KDM4B: variants seen among roughly 807,000 people sequenced by gnomAD.
The protein encoded by KDM4B is lysine-specific demethylase 4B.
Under a neutral mutation model 125.2 loss-of-function variants are expected in KDM4B, and 32 were observed. That is an observed-to-expected ratio of 0.26 (90% CI 0.19 to 0.34). The LOEUF is 0.34. Among genes scored for constraint, KDM4B ranks in the 10% least tolerant of loss-of-function variants. The probability of loss-of-function intolerance (pLI) is 1.00; values close to 1 mark genes in which losing one functional copy is unlikely to be tolerated. For synonymous variants in KDM4B, 721 were observed against 677.9 expected (o/e 1.06, Z -0.99); for missense variants, 1,190 against 1,577.7 (o/e 0.75, Z 4.16).
intron 3 of KDM4B, among the ~76,000 whole-genome samples, chr19:5,034,271 C>T (rs921377434): frequency 1.8e-4 from 28 of 152,216 alleles, no homozygotes; most frequent in African/African-American, 4.1e-4. Context: ...GATGAATCGT[C>T]GTTGCATTTT....
chr19:5,084,450 T>C (rs1314307477), intron 9 of KDM4B, among the ~76,000 whole-genome samples: 1 of 136,752 alleles, frequency 7.3e-6, no homozygotes, highest in Non-Finnish European at 1.5e-5. Context: ...ATATATGTTA[T>C]AATAATTTAT....
chr19:5,081,498 T>C lies in KDM4B; in HGVS notation c.781-869T>C, dbSNP rs2038292595. On this transcript the variant is annotated intron_variant, in intron 8 of 22. Coordinates refer to ENST00000159111, the MANE Select transcript of KDM4B (RefSeq NM_015015.3). This position sits in a 1 kb window ranked among gnomAD's most constrained non-coding sequence, Gnocchi z 4.2. ...TTCTTCCAGACCTTGGGGTGGCTGT[T>C]GGGAAACCTTGGGTCTGGGGTCATT... Among the ~76,000 whole-genome samples, 1 of 152,108 alleles carries C rather than the reference T, an allele frequency of 6.6e-6. No individual in the cohort carries two copies.
Position 5,078,087 on chromosome 19 carries a change from G to A in KDM4B, c.780+617G>A. ...ACACCTGATTTGATGGACAGCTGGGGTTTGGTGTCCCAGGAGCAGAGCAGG... is the reference window on the plus strand; with the variant it reads ...ACACCTGATTTGATGGACAGCTGGGATTTGGTGTCCCAGGAGCAGAGCAGG... On this transcript the variant is annotated intron_variant, in intron 8 of 22. Transcript: ENST00000159111. The surrounding 1 kb of genome is among the most constrained non-coding windows in gnomAD (Gnocchi z 4.5). 6.5e-6 allele frequency: 1 copy of A among 154,720 alleles called. No homozygotes were observed. Among genetic ancestry groups the A allele is most frequent in the Non-Finnish European group, 1.4e-5 (1 of 69,496 alleles). The allele number at this position is 154,720 out of a possible 1,614,324, so 9.6% of individuals were successfully genotyped here.
intron 9 of KDM4B, among the ~76,000 whole-genome samples, chr19:5,093,926 C>T (rs1342743994): frequency 6.6e-6 from 1 of 152,214 alleles, no homozygotes; most frequent in Non-Finnish European, 1.5e-5. Flanking sequence ...CCTGGGTAGC[C>T]CAGTCCACAG....
chr19:5,060,455 AAAAAAAAAG>A lies in KDM4B; in HGVS notation c.627-10554_627-10546del, dbSNP rs1271231167. 2.2e-3 allele frequency among the ~76,000 whole-genome samples: 315 copies of A among 142,526 alleles called. 24 individuals are homozygous for A. Among genetic ancestry groups the A allele is most frequent in the Middle Eastern group, 7.3e-3 (2 of 274 alleles). 93.5% of individuals were successfully genotyped at this position (142,526 alleles called of 152,430 possible). A position where few individuals can be genotyped will look rare whatever the true frequency, so the allele number is the denominator to read the frequency against. ...CTCCAAAAAAAAAAAAAAAAAAAAA[AAAAAAAAAG>A]GGAGCCATGATTGTTCTCCAGCTGC... On this transcript the variant is annotated intron_variant, in intron 6 of 22. Coordinates refer to ENST00000159111, the MANE Select transcript of KDM4B (RefSeq NM_015015.3).
At chr19:5,148,090 G>C (rs749024036) in intron 21 of KDM4B, among the ~76,000 whole-genome samples, 3 of 152,224 alleles carry the variant, frequency 2.0e-5, no homozygotes, top group Non-Finnish European at 4.4e-5. Flanking sequence ...TGTTTCCCTC[G>C]CACGTGACCC....
intron 9 of KDM4B, among the ~76,000 whole-genome samples, chr19:5,106,969 G>T (rs939639601): frequency 3.3e-5 from 5 of 152,254 alleles, no homozygotes; most frequent in African/African-American, 1.2e-4. Flanking sequence ...GACCTGCAGA[G>T]AATGCGGCGT....
At chr19:5,119,337 T>TCCCGC (rs1173868658) in intron 10 of KDM4B, 3 of 725,428 alleles carry the variant, frequency 4.1e-6, no homozygotes, top group Non-Finnish European at 6.9e-6. Flanking sequence ...TGCCGCCCCG[T>TCCCGC]CCCGCCCGTC....
chr19:4,979,282 C>CA (rs1259480973), intron 1 of KDM4B, among the ~76,000 whole-genome samples: 1 of 152,082 alleles, frequency 6.6e-6, no homozygotes, highest in African/African-American at 2.4e-5. Context: ...GACCATGTCT[C>CA]AAAAAAACCC....
chr19:5,125,742 T>C (rs1286436162), intron 11 of KDM4B, among the ~76,000 whole-genome samples: 3 of 152,170 alleles, frequency 2.0e-5, no homozygotes, highest in African/African-American at 7.2e-5. Context: ...TCAGGGTCTC[T>C]GCCCAGGGAG....
At chr19:5,097,804 T>C (rs2038857070) in intron 9 of KDM4B, among the ~76,000 whole-genome samples, 1 of 152,206 alleles carries the variant, frequency 6.6e-6, no homozygotes, top group Non-Finnish European at 1.5e-5. Flanking sequence ...ATGAGTTCTG[T>C]CTCCGTTTTG....
At chr19:5,059,780 G>A (rs2037526440) in intron 6 of KDM4B, among the ~76,000 whole-genome samples, 1 of 124,720 alleles carries the variant, frequency 8.0e-6, no homozygotes, top group African/African-American at 3.0e-5. Context: ...TGAAATAAAT[G>A]TAAGCATAGA....
chr19:5,151,223 C>G (rs2039941417), intron 22 of KDM4B, 112 bp from the exon 23 acceptor site: 2 of 958,590 alleles, frequency 2.1e-6, no homozygotes, highest in Non-Finnish European at 2.8e-6. Context: ...GCAGCCCCCA[C>G]AGCAATCAGG....
chr19:5,072,307 A>C (rs1207428489), intron 7 of KDM4B, among the ~76,000 whole-genome samples: 1 of 152,190 alleles, frequency 6.6e-6, no homozygotes, highest in Non-Finnish European at 1.5e-5. Flanking sequence ...ATGTTGCCCA[A>C]GCGCGGCAGA....
intron 5 of KDM4B, 85 bp from the exon 6 acceptor site, chr19:5,047,391 T>C (rs2037059754): frequency 2.3e-6 from 3 of 1,312,890 alleles, no homozygotes; most frequent in Non-Finnish European, 1.0e-6. Context: ...CCCCTGGGAC[T>C]CTGGGGAGAA....
intron 6 of KDM4B, among the ~76,000 whole-genome samples, chr19:5,062,154 T>A (rs1386978785): frequency 6.6e-6 from 1 of 152,216 alleles, no homozygotes; most frequent in African/African-American, 2.4e-5. Flanking sequence ...CCCAGCAGGC[T>A]GCGGTTGGTG....
chr19:4,986,936 C>T (rs2034852750), intron 1 of KDM4B, among the ~76,000 whole-genome samples: 1 of 152,106 alleles, frequency 6.6e-6, no homozygotes, highest in African/African-American at 2.4e-5. Flanking sequence ...GAGGTTTATG[C>T]CTTTTTTTAT....
intron 6 of KDM4B, among the ~76,000 whole-genome samples, chr19:5,060,763 C>T (rs923028953): frequency 2.6e-5 from 4 of 152,186 alleles, no homozygotes; most frequent in African/African-American, 7.2e-5. Context: ...ACCTGACAGC[C>T]GCCGCTGTGT....
At position 5,077,755 on chromosome 19, in the gene KDM4B, C is replaced by T. The variant is rs1351034360; in HGVS notation, c.780+285C>T. 2.0e-5 allele frequency: 8 copies of T among 410,004 alleles called. No homozygotes were observed. The East Asian group carries it at 3.8e-4, about 20-fold the overall frequency. The allele number at this position is 410,004 out of a possible 1,614,324, so 25.4% of individuals were successfully genotyped here. ...GCCATCAGAGGCCCCTCCGCAGGGG[C>T]TGCAGGGGTGGAAGGGCAGGGGCAG... is the stretch of plus-strand genomic sequence containing the variant. On this transcript the variant is annotated intron_variant, in intron 8 of 22. Coordinates refer to ENST00000159111, the MANE Select transcript of KDM4B (RefSeq NM_015015.3).
Sources: gnomAD v4.1 joint callset for allele counts (sites outside exome capture counted in the v4.1 genomes callset) on GRCh38, gnomAD v4.1.1 for gene constraint, Gnocchi (gnomAD v3.1) non-coding constraint, MANE v1.5 for transcripts, NCBI Gene and HGNC (gene_info 2026-07-23, HGNC 2026-07-21) for gene names.